The following NLGN1 variants were observed in gnomAD, a reference collection of about 807,000 sequenced individuals.
NLGN1 encodes the protein neuroligin 1, also known as neuroligin-1.
Under a neutral mutation model 65.5 loss-of-function variants are expected in NLGN1, and 12 were observed. The observed-to-expected ratio is 0.18, with a 90% confidence interval of 0.12 to 0.30. The LOEUF is 0.30. Among genes scored for constraint, NLGN1 ranks in the 10% least tolerant of loss-of-function variants. NLGN1 has a pLI of 1.00. For missense variants in NLGN1, 750 were observed against 1,007.1 expected (o/e 0.74, Z 3.46); for synonymous variants, 350 against 359.5 (o/e 0.97, Z 0.30).
At chr3:174,215,924 C>T (rs1737511531) in intron 4 of NLGN1, among the ~76,000 whole-genome samples, 1 of 152,062 alleles carries the variant, frequency 6.6e-6, no homozygotes, top group African/African-American at 2.4e-5. Context: ...TCCTAAACCT[C>T]CTCTCCCCAC....
chr3:174,245,461 T>C (rs1291634698), intron 4 of NLGN1, among the ~76,000 whole-genome samples: 2 of 152,154 alleles, frequency 1.3e-5, no homozygotes, highest in Admixed American at 6.6e-5. Flanking sequence ...CATTAATAAG[T>C]AACTGAATTC....
At chr3:173,402,938 A>C (rs1717972008) in intron 1 of NLGN1, among the ~76,000 whole-genome samples, 1 of 152,166 alleles carries the variant, frequency 6.6e-6, no homozygotes, top group Admixed American at 6.5e-5. Flanking sequence ...CACACAAAAA[A>C]TCAGAGCTCT....
At chr3:173,575,600 T>C (rs182450285) in intron 2 of NLGN1, among the ~76,000 whole-genome samples, 6 of 152,330 alleles carry the variant, frequency 3.9e-5, no homozygotes, top group African/African-American at 1.4e-4. Context: ...TCATATTATA[T>C]AGTTGGCTCC....
At chr3:173,969,547 A>G (rs552095774) in intron 4 of NLGN1, among the ~76,000 whole-genome samples, 1 of 152,236 alleles carries the variant, frequency 6.6e-6, no homozygotes, top group East Asian at 1.9e-4. Flanking sequence ...CATATATAAA[A>G]CTAGAGCAAG....
intron 2 of NLGN1, among the ~76,000 whole-genome samples, chr3:173,477,759 C>T (rs908866004): frequency 6.6e-6 from 1 of 152,058 alleles, no homozygotes; most frequent in Non-Finnish European, 1.5e-5. Flanking sequence ...TGTTTGTTGG[C>T]TGCATGAATG....
chr3:174,079,594 T>C (rs996265149), intron 4 of NLGN1, among the ~76,000 whole-genome samples: 1 of 152,170 alleles, frequency 6.6e-6, no homozygotes, highest in Non-Finnish European at 1.5e-5. Flanking sequence ...CATATGTTCA[T>C]TGCGGCAATA....
At chr3:173,901,368 G>GTGTGT (rs1553884974) in intron 4 of NLGN1, among the ~76,000 whole-genome samples, 2 of 150,234 alleles carry the variant, frequency 1.3e-5, no homozygotes, top group African/African-American at 4.9e-5. Context: ...TTTTTTTGGG[G>GTGTGT]GGGTGTGTGT....
At chr3:174,191,527 C>T (rs955110562) in intron 4 of NLGN1, among the ~76,000 whole-genome samples, 1 of 152,132 alleles carries the variant, frequency 6.6e-6, no homozygotes, top group African/African-American at 2.4e-5. Context: ...TGGTTTGCAA[C>T]TCTGTGACCT....
rs116142713 is a variant in NLGN1, at chr3:173,882,125, G to T, written c.646+74293G>T. The stretch of plus-strand genomic sequence containing the variant: ...CTTTGACAATAAGCAGTAATATTTT[G>T]AAATATCTTTTTTTCTGAGAAGTAG... On this transcript the variant is annotated intron_variant, in intron 4 of 6. Coordinates refer to ENST00000457714, the Ensembl canonical transcript of NLGN1. 4.3e-3 allele frequency among the ~76,000 whole-genome samples: 649 copies of T among 152,230 alleles called. 8 individuals carry two copies. The highest frequency in any genetic ancestry group is 0.014 in the African/African-American group (593 of 41,540).
intron 3 of NLGN1, among the ~76,000 whole-genome samples, chr3:173,760,599 T>C (rs1325813656): frequency 6.6e-6 from 1 of 152,048 alleles, no homozygotes; most frequent in East Asian, 1.9e-4. Flanking sequence ...TATGCATAGT[T>C]TATTGTACTA....
intron 4 of NLGN1, among the ~76,000 whole-genome samples, chr3:174,194,981 C>T (rs1205617384): frequency 6.6e-6 from 1 of 151,838 alleles, no homozygotes; most frequent in South Asian, 2.1e-4. Flanking sequence ...CCTGCCTCAG[C>T]CTCCCGAGTA....
intron 4 of NLGN1, among the ~76,000 whole-genome samples, chr3:174,117,776 A>T (rs1185441956): frequency 6.6e-6 from 1 of 152,182 alleles, no homozygotes; most frequent in Non-Finnish European, 1.5e-5. Flanking sequence ...GAAATCCATA[A>T]AAAGTTGATT....
At chr3:173,683,514 G>C (rs977318646) in intron 3 of NLGN1, among the ~76,000 whole-genome samples, 1 of 152,104 alleles carries the variant, frequency 6.6e-6, no homozygotes, top group Non-Finnish European at 1.5e-5. Flanking sequence ...GTAAATTAGA[G>C]AAAAGACTGG....
intron 2 of NLGN1, among the ~76,000 whole-genome samples, chr3:173,517,321 A>G (rs1207552557): frequency 6.6e-6 from 1 of 151,910 alleles, no homozygotes; most frequent in Non-Finnish European, 1.5e-5. Flanking sequence ...AACACAGACC[A>G]CTCATTGTGG....
intron 2 of NLGN1, among the ~76,000 whole-genome samples, chr3:173,544,088 T>C (rs1162903337): frequency 6.6e-6 from 1 of 152,068 alleles, no homozygotes; most frequent in Admixed American, 6.6e-5. Flanking sequence ...AGGAACAGAA[T>C]GTTCTGAGTG....
chr3:174,138,430 A>AT (rs1248940487), intron 4 of NLGN1, among the ~76,000 whole-genome samples: 1 of 137,830 alleles, frequency 7.3e-6, no homozygotes, highest in Non-Finnish European at 1.5e-5. Context: ...GCTTTCTACT[A>AT]TTCTTTTTTT....
chr3:173,775,523 C>A (rs757312831), intron 3 of NLGN1, among the ~76,000 whole-genome samples: 1 of 151,892 alleles, frequency 6.6e-6, no homozygotes, highest in Non-Finnish European at 1.5e-5. Flanking sequence ...TGAGATTCTT[C>A]AAATTTGTTA....
At position 173,398,811 on chromosome 3, in the gene NLGN1, C is replaced by T. The variant is rs1032246027; in HGVS notation, c.-390+324C>T. ...TTTCCCTCTTTTTATACTCAAACTC[C>T]GGTAGACTATTTTTGCTTAAGTCAA... is the stretch of plus-strand genomic sequence containing the variant. On this transcript the variant is annotated intron_variant, in intron 1 of 6. Transcript: ENST00000457714. Among the ~76,000 whole-genome samples, 17 of 152,078 alleles carry T rather than the reference C, an allele frequency of 1.1e-4. 1 individual carries two copies. The highest frequency in any genetic ancestry group is 4.1e-4 in the African/African-American group (17 of 41,402).
chr3:174,095,462 C>A (rs990510004), intron 4 of NLGN1, among the ~76,000 whole-genome samples: 1 of 148,680 alleles, frequency 6.7e-6, no homozygotes, highest in African/African-American at 2.5e-5. Context: ...TGTGCAAGAG[C>A]TGATGTGTGT....
Sources: gnomAD v4.1 joint callset for allele counts (sites outside exome capture counted in the v4.1 genomes callset) on GRCh38, gnomAD v4.1.1 for gene constraint, MANE v1.5 for transcripts, NCBI Gene and HGNC (gene_info 2026-07-23, HGNC 2026-07-21) for gene names.